Variants in DPH6 observed in about 807,000 individuals in gnomAD.
The protein encoded by DPH6 is diphthine--ammonia ligase.
In DPH6, 33 loss-of-function variants were observed where a neutral mutation model predicts 38.2. That is an observed-to-expected ratio of 0.86 (90% confidence interval 0.65 to 1.15). DPH6 has a LOEUF of 1.15. Among genes scored for constraint, DPH6 ranks in the 50% most tolerant of loss-of-function variants. The pLI, the probability that DPH6 is intolerant of heterozygous loss-of-function variation, is 0.00. For synonymous variants in DPH6, 108 were observed against 103.0 expected (o/e 1.05, Z -0.30); for missense variants, 325 against 320.0 (o/e 1.02, Z -0.12).
At chr15:35,359,872 A>AT (rs1415999062) in intron 3 of DPH6, among the ~76,000 whole-genome samples, 1 of 150,832 alleles carries the variant, frequency 6.6e-6, no homozygotes, top group Non-Finnish European at 1.5e-5. Context: ...AGGTTTCTAT[A>AT]TTTTTTTCAA....
At chr15:35,208,995 C>T in the DPH6 span, among the ~76,000 whole-genome samples, 100 of 152,180 alleles carry the variant, frequency 6.6e-4, 1 homozygote, top group Non-Finnish European at 1.2e-3. Flanking sequence ...GTCATCCTCC[C>T]AGAAAGATTT....
At chr15:35,438,698 A>G (rs907834914) in intron 5 of DPH6, among the ~76,000 whole-genome samples, 1 of 152,152 alleles carries the variant, frequency 6.6e-6, no homozygotes, top group African/African-American at 2.4e-5. Context: ...AATTGGCCTA[A>G]AGGAAAATAA....
At chr15:35,509,414 T>C (rs2054738060) in intron 3 of DPH6, among the ~76,000 whole-genome samples, 1 of 152,234 alleles carries the variant, frequency 6.6e-6, no homozygotes, top group Non-Finnish European at 1.5e-5. Flanking sequence ...CTTCAATAGT[T>C]AGAGCAATTT....
At chr15:35,311,152 G>T (rs2052138890) in intron 3 of DPH6, among the ~76,000 whole-genome samples, 1 of 151,758 alleles carries the variant, frequency 6.6e-6, no homozygotes, top group African/African-American at 2.4e-5. Flanking sequence ...ATTGAGCGGA[G>T]AATTCAGTCT....
At chr15:35,378,270 CAAT>C (rs1214218580) in intron 7 of DPH6, among the ~76,000 whole-genome samples, 1 of 152,174 alleles carries the variant, frequency 6.6e-6, no homozygotes, top group East Asian at 1.9e-4. Context: ...ATCAAAACCA[CAAT>C]GAGATACCAT....
At chr15:35,526,189 C>T (rs931799628) in intron 3 of DPH6, among the ~76,000 whole-genome samples, 5 of 152,142 alleles carry the variant, frequency 3.3e-5, no homozygotes, top group Admixed American at 6.5e-5. Context: ...TCCCACCTCC[C>T]TGCAAAATTA....
At position 35,500,675 on chromosome 15, in the gene DPH6, C is replaced by T. The variant is rs528451586; in HGVS notation, c.312+37599G>A. 1.8e-4 allele frequency among the ~76,000 whole-genome samples: 28 copies of T among 152,266 alleles called. 1 individual carries two copies. The highest frequency in any genetic ancestry group is 1.1e-3 in the Admixed American group (17 of 15,284). ...ATGGGCAAGACAACATGGCCACTCA[C>T]GTGATATCTTCCATAATTTTGTTTC... On this transcript the variant is annotated intron_variant, in intron 3 of 8. Coordinates refer to ENST00000256538, the MANE Select transcript of DPH6 (RefSeq NM_080650.4).
intron 3 of DPH6, among the ~76,000 whole-genome samples, chr15:35,533,352 C>T (rs1205013578): frequency 6.6e-6 from 1 of 152,112 alleles, no homozygotes; most frequent in Non-Finnish European, 1.5e-5. Context: ...TTCTCCCAAC[C>T]ACAACTGACT....
At chr15:35,501,916 A>G (rs2054632738) in intron 3 of DPH6, among the ~76,000 whole-genome samples, 1 of 152,172 alleles carries the variant, frequency 6.6e-6, no homozygotes. Context: ...AGCACATACC[A>G]TTCCCAAGGG....
intron 3 of DPH6, among the ~76,000 whole-genome samples, chr15:35,353,223 G>T (rs1424419249): frequency 6.6e-6 from 1 of 152,092 alleles, no homozygotes; most frequent in African/African-American, 2.4e-5. Context: ...CTCCCATTCT[G>T]TAGGCTGCCT....
chr15:35,545,036 C>T (rs1252946559), intron 1 of DPH6, among the ~76,000 whole-genome samples: 1 of 152,084 alleles, frequency 6.6e-6, no homozygotes, highest in Non-Finnish European at 1.5e-5. Context: ...GAAAGGGAAC[C>T]GGAATATTCC....
chr15:35,543,012 T>C (rs1476909523), intron 1 of DPH6, among the ~76,000 whole-genome samples: 2 of 122,238 alleles, frequency 1.6e-5, no homozygotes, highest in Non-Finnish European at 3.4e-5. Flanking sequence ...CTATTCTCTA[T>C]GAGAAAGTAA....
intron 3 of DPH6, among the ~76,000 whole-genome samples, chr15:35,223,168 A>G (rs917585777): frequency 6.6e-6 from 1 of 152,204 alleles, no homozygotes; most frequent in African/African-American, 2.4e-5. Flanking sequence ...GAAGTCTAAG[A>G]TTAAAAGGCC....
At chr15:35,360,123 C>G (rs900472293) in intron 3 of DPH6, among the ~76,000 whole-genome samples, 8 of 152,110 alleles carry the variant, frequency 5.3e-5, no homozygotes, top group Non-Finnish European at 8.8e-5. Flanking sequence ...TCTGAAAGAG[C>G]AAACACCTTT....
chr15:35,497,229 T>C (rs2054569666), intron 3 of DPH6, among the ~76,000 whole-genome samples: 1 of 152,192 alleles, frequency 6.6e-6, no homozygotes, highest in Non-Finnish European at 1.5e-5. Context: ...ATTACATTCT[T>C]AGAAATGGTC....
intron 6 of DPH6, among the ~76,000 whole-genome samples, chr15:35,407,811 G>A (rs1414351164): frequency 1.3e-5 from 2 of 151,878 alleles, no homozygotes; most frequent in African/African-American, 4.8e-5. Context: ...ATAGGAGAAC[G>A]GTAGAAGATG....
At chr15:35,386,918 T>C (rs1595520435) in intron 6 of DPH6, among the ~76,000 whole-genome samples, 1 of 152,346 alleles carries the variant, frequency 6.6e-6, no homozygotes, top group East Asian at 1.9e-4. Context: ...TCCTTGCCCA[T>C]GCCTATGTCC....
chr15:35,415,413 T>C (rs765507488), intron 5 of DPH6, among the ~76,000 whole-genome samples: 2 of 152,022 alleles, frequency 1.3e-5, no homozygotes, highest in Non-Finnish European at 2.9e-5. Context: ...TGAAAGGGAA[T>C]TTAAGAGCAT....
the DPH6 span, among the ~76,000 whole-genome samples, chr15:35,149,332 G>C: frequency 6.6e-6 from 1 of 152,128 alleles, no homozygotes; most frequent in African/African-American, 2.4e-5. Context: ...CTGCCTCCCA[G>C]GTTCAAGCGA....
Sources: gnomAD v4.1 joint callset for allele counts (sites outside exome capture counted in the v4.1 genomes callset) on GRCh38, gnomAD v4.1.1 for gene constraint, MANE v1.5 for transcripts, NCBI Gene and HGNC (gene_info 2026-07-23, HGNC 2026-07-21) for gene names.